Variants in AFAP1 observed in about 807,000 individuals in gnomAD.
AFAP1 encodes the protein actin filament associated protein 1, also known as actin filament-associated protein 1.
Under a neutral mutation model 93.9 loss-of-function variants are expected in AFAP1, and 75 were observed. The ratio of observed to expected loss-of-function variants is 0.80; its 90% CI spans 0.66 to 0.97. AFAP1 has a LOEUF of 0.97. Among genes scored for constraint, AFAP1 ranks in the 50% least tolerant of loss-of-function variants. The pLI, the probability that AFAP1 is intolerant of heterozygous loss-of-function variation, is 0.00. For synonymous variants in AFAP1, 517 were observed against 430.7 expected (o/e 1.20, Z -2.48); for missense variants, 1,201 against 1,050.8 (o/e 1.14, Z -1.98).
chr4:7,786,879 T>C (rs62289272), intron 11 of AFAP1, among the ~76,000 whole-genome samples: 3,633 of 152,332 alleles, frequency 0.024, 77 homozygotes, highest in Non-Finnish European at 0.033. Context: ...TCTATAAGCT[T>C]TCTGGAACAC....
chr4:7,901,441 TC>T (rs1261680785), intron 1 of AFAP1, among the ~76,000 whole-genome samples: 1 of 152,184 alleles, frequency 6.6e-6, no homozygotes, highest in Admixed American at 6.5e-5. Flanking sequence ...ATTACATACT[TC>T]CGGTGCTAAA....
At position 7,838,690 on chromosome 4, in the gene AFAP1, G is replaced by C; in HGVS notation, c.560C>G (p.Ser187Cys). 6.2e-7 allele frequency: 1 copy of C among 1,614,016 alleles called. No individual in the cohort carries two copies. Among genetic ancestry groups the C allele is most frequent in the Non-Finnish European group, 8.5e-7 (1 of 1,179,962 alleles). Residue 187 changes from serine (S) to cysteine (C), a missense_variant, in exon 6 of 18, where the codon TCC becomes TGC. Coordinates refer to ENST00000420658, the MANE Select transcript of AFAP1 (RefSeq NM_001134647.2). The stretch of plus-strand genomic sequence containing the variant: ...TTCCATCTGAGGCTGCTGGTCCTTG[G>C]AACTTTTATAGCACTGCATTCAACA... The part of the protein sequence containing the change: ...KDTKLLCYKS[S>C]KDQQPQMELP...
At position 7,778,861 on chromosome 4, in the gene AFAP1, GCTT is replaced by G. The variant is rs776570231; in HGVS notation, c.1795_1797del (p.Lys599del). On this transcript the variant is annotated inframe_deletion, in exon 14 of 18. Coordinates refer to ENST00000420658, the MANE Select transcript of AFAP1 (RefSeq NM_001134647.2). ...GTGACCCCATTAGACGCCACGGGGG[GCTT>G]TTTACCCTTGAGCTGTTGAAATAAA... 7 of 1,612,460 alleles carry G rather than the reference GCTT, an allele frequency of 4.3e-6. No homozygotes were observed. The Admixed American group carries it at 5.0e-5, about 12-fold the overall frequency.
chr4:7,924,747 G>A (rs892678221), intron 1 of AFAP1, among the ~76,000 whole-genome samples: 2 of 152,080 alleles, frequency 1.3e-5, no homozygotes, highest in Admixed American at 1.3e-4. Context: ...CCTATCTACA[G>A]TAAACAGCCA....
chr4:7,860,692 C>T (rs1715574556), intron 3 of AFAP1, among the ~76,000 whole-genome samples: 1 of 152,216 alleles, frequency 6.6e-6, no homozygotes, highest in South Asian at 2.1e-4. Context: ...TGTGGCACAA[C>T]TGCACGGCAT....
rs1287799003 is a variant in AFAP1, at chr4:7,778,871, C to A, written c.1788G>T (p.Lys596Asn). 1.5e-5 allele frequency: 24 copies of A among 1,606,030 alleles called. No homozygotes were observed. Among genetic ancestry groups the A allele is most frequent in the Non-Finnish European group, 2.0e-5 (23 of 1,173,246 alleles). ...TAGACGCCACGGGGGGCTTTTTACC[C>A]TTGAGCTGTTGAAATAAACATATAA... ...RASLGLNSQLKGKKPPVASNG... is the reference protein window; with the variant it reads ...RASLGLNSQLNGKKPPVASNG... Residue 596 changes from lysine to asparagine, a missense_variant, in exon 14 of 18, where the codon AAG becomes AAT. Lys to Asn is a moderately conservative substitution (Grantham distance 94). Coordinates refer to ENST00000420658, the MANE Select transcript of AFAP1 (RefSeq NM_001134647.2).
intron 1 of AFAP1, among the ~76,000 whole-genome samples, chr4:7,934,981 C>G (rs1163176157): frequency 6.6e-6 from 1 of 152,068 alleles, no homozygotes; most frequent in Non-Finnish European, 1.5e-5. Context: ...ATAACTGAAA[C>G]ACAAATTTGA....
chr4:7,763,782 A>G lies in AFAP1; in HGVS notation c.2428T>C (p.Leu810=), dbSNP rs766540439. Residue 810 remains leucine (L), a synonymous_variant, in exon 18 of 18, where the codon TTG becomes CTG. Coordinates refer to ENST00000420658, the MANE Select transcript of AFAP1 (RefSeq NM_001134647.2). The part of the protein sequence containing the change: ...HVLRKAKEWE[L]KNGT Reference sequence around the variant, plus strand: ...GCTGTCCCCTAGGTCCCGTTCTTCAATTCCCATTCCTAGAGGAAAGGAGAG... The same window carrying G: ...GCTGTCCCCTAGGTCCCGTTCTTCAGTTCCCATTCCTAGAGGAAAGGAGAG... 1.3e-6 allele frequency: 2 copies of G among 1,551,690 alleles called. No individual in the cohort carries two copies. The highest frequency in any genetic ancestry group is 2.4e-5 in the South Asian group (2 of 84,056).
At chr4:7,869,750 A>C (rs1404239760) in intron 2 of AFAP1, among the ~76,000 whole-genome samples, 2 of 152,200 alleles carry the variant, frequency 1.3e-5, no homozygotes, top group Non-Finnish European at 2.9e-5. Flanking sequence ...TTGAAACATG[A>C]AAAGCCCCAG....
Position 7,774,590 on chromosome 4 carries a change from C to G in AFAP1, c.2062+149G>C, listed in dbSNP as rs1388130901. On this transcript the variant is annotated intron_variant, in intron 15 of 17. Transcript: ENST00000420658. ...GCCTCGGGGTTACCAGCAATGTTTC[C>G]AAGCCCCAAGAAACACTGTGAGATA... 8.9e-6 allele frequency: 11 copies of G among 1,239,132 alleles called. No individual in the cohort carries two copies. The Admixed American group carries it at 1.7e-4, about 20-fold the overall frequency. The allele number at this position is 1,239,132 out of a possible 1,614,324, so 76.8% of individuals were successfully genotyped here. A position where few individuals can be genotyped will look rare whatever the true frequency, so the allele number is the denominator to read the frequency against.
At chr4:7,932,255 CAT>C (rs1272002287) in intron 1 of AFAP1, among the ~76,000 whole-genome samples, 1 of 152,186 alleles carries the variant, frequency 6.6e-6, no homozygotes, top group Non-Finnish European at 1.5e-5. Context: ...AAAACACCCA[CAT>C]GATAAAACGA....
intron 3 of AFAP1, among the ~76,000 whole-genome samples, chr4:7,866,227 C>A (rs1188286448): frequency 2.6e-5 from 4 of 151,128 alleles, no homozygotes. Context: ...GACAGAGTCT[C>A]GCTCTGTCAC....
rs973375623 is a variant in AFAP1 at position 7,761,282 on chromosome 4, C to A, written c.*2483G>T. 3 of 152,372 alleles carry A rather than the reference C, an allele frequency of 2.0e-5. No individual in the cohort carries two copies. The highest frequency in any genetic ancestry group is 6.8e-3 in the Middle Eastern group (2 of 294). The allele number at this position is 152,372 out of a possible 1,614,324, so 9.4% of individuals were successfully genotyped here. On this transcript the variant is annotated 3_prime_UTR_variant, in exon 18 of 18. Coordinates refer to ENST00000420658, the MANE Select transcript of AFAP1 (RefSeq NM_001134647.2). ...AACCCACTGTCAGGCCCCTCCAGGGCACCCATTTTGAAAGGCTCCATGGAC... is the reference window on the plus strand; with the variant it reads ...AACCCACTGTCAGGCCCCTCCAGGGAACCCATTTTGAAAGGCTCCATGGAC...
chr4:7,863,948 C>T (rs1716059727), intron 3 of AFAP1, among the ~76,000 whole-genome samples: 4 of 152,344 alleles, frequency 2.6e-5, no homozygotes, highest in Admixed American at 6.5e-5. Context: ...GCTTTCACAA[C>T]CCATTCCCAA....
rs375086115 is a variant in AFAP1, at chr4:7,760,829, C to A, written c.*2936G>T. ...CGGCCCCCTCACCTGACCTGTCCTC[C>A]GGCCAGCTCCATCGCGTGGCCACCA... On this transcript the variant is annotated 3_prime_UTR_variant, in exon 18 of 18. Coordinates refer to ENST00000420658, the MANE Select transcript of AFAP1 (RefSeq NM_001134647.2). 6.6e-6 allele frequency: 1 copy of A among 152,330 alleles called. No homozygotes were observed. Among genetic ancestry groups the A allele is most frequent in the African/African-American group, 2.4e-5 (1 of 41,486 alleles). 9.4% of individuals were successfully genotyped at this position (152,330 alleles called of 1,614,324 possible). A position where few individuals can be genotyped will look rare whatever the true frequency, so the allele number is the denominator to read the frequency against.
At chr4:7,932,298 C>G (rs767647939) in intron 1 of AFAP1, among the ~76,000 whole-genome samples, 9 of 152,128 alleles carry the variant, frequency 5.9e-5, no homozygotes, top group Non-Finnish European at 1.2e-4. Context: ...TACTTGGTGA[C>G]CACCATCAGT....
intron 15 of AFAP1, chr4:7,773,686 T>A (rs1468940983): frequency 6.6e-6 from 1 of 152,548 alleles, no homozygotes; most frequent in African/African-American, 2.4e-5. Flanking sequence ...AAATGCTACT[T>A]CTGTCTCATT....
At chr4:7,783,855 G>T (rs1021544084) in intron 12 of AFAP1, among the ~76,000 whole-genome samples, 20 of 152,222 alleles carry the variant, frequency 1.3e-4, no homozygotes, top group Non-Finnish European at 2.6e-4. Context: ...AGGAAAAGGC[G>T]TGTGAAAGGG....
intron 6 of AFAP1, among the ~76,000 whole-genome samples, chr4:7,834,128 C>CACATATAT (rs756961714): frequency 8.4e-5 from 10 of 119,492 alleles, no homozygotes; most frequent in African/African-American, 3.1e-4. Flanking sequence ...CACACACACA[C>CACATATAT]ATATATACAA....
Sources: gnomAD v4.1 joint callset for allele counts (sites outside exome capture counted in the v4.1 genomes callset) on GRCh38, gnomAD v4.1.1 for gene constraint, MANE v1.5 for transcripts, NCBI Gene and HGNC (gene_info 2026-07-23, HGNC 2026-07-21) for gene names.